GPC5: variants seen among roughly 807,000 people sequenced by gnomAD.
GPC5 encodes glypican 5, also known as glypican-5.
A neutral mutation model predicts 53.9 loss-of-function variants in GPC5; 47 were observed. The ratio of observed to expected loss-of-function variants is 0.87; its 90% CI spans 0.69 to 1.11. The LOEUF (loss-of-function observed/expected upper bound fraction) is 1.11. Among genes scored for constraint, GPC5 ranks in the 50% most tolerant of loss-of-function variants. GPC5 has a pLI of 0.00. For synonymous variants in GPC5, 286 were observed against 263.3 expected (o/e 1.09, Z -0.84); for missense variants, 748 against 713.1 (o/e 1.05, Z -0.56).
At chr13:91,977,440 G>C (rs1350688246) in intron 6 of GPC5, among the ~76,000 whole-genome samples, 1 of 152,098 alleles carries the variant, frequency 6.6e-6, no homozygotes, top group Non-Finnish European at 1.5e-5. Context: ...TTTCAGCTCT[G>C]TATCTATTTT....
chr13:92,862,526 T>C (rs1203125807), intron 7 of GPC5, among the ~76,000 whole-genome samples: 1 of 151,946 alleles, frequency 6.6e-6, no homozygotes, highest in Admixed American at 6.6e-5. Context: ...AGATACCTGG[T>C]GGAGATATAT....
At chr13:91,777,758 T>G (rs1033359986) in intron 5 of GPC5, among the ~76,000 whole-genome samples, 11 of 152,186 alleles carry the variant, frequency 7.2e-5, no homozygotes, top group Non-Finnish European at 1.5e-4. Context: ...AACCTACACT[T>G]CTTGCTATTT....
At chr13:92,126,558 C>T (rs1298776284) in intron 6 of GPC5, among the ~76,000 whole-genome samples, 1 of 152,124 alleles carries the variant, frequency 6.6e-6, no homozygotes, top group Admixed American at 6.6e-5. Flanking sequence ...TAGTCTGCAG[C>T]TTATACGTGT....
intron 7 of GPC5, among the ~76,000 whole-genome samples, chr13:92,328,916 C>G (rs1428803049): frequency 6.6e-6 from 1 of 152,088 alleles, no homozygotes; most frequent in African/African-American, 2.4e-5. Context: ...TTTCCCTCAC[C>G]AGATGTTGCT....
At chr13:91,680,494 G>T (rs1771991266) in intron 2 of GPC5, among the ~76,000 whole-genome samples, 1 of 151,992 alleles carries the variant, frequency 6.6e-6, no homozygotes, top group South Asian at 2.1e-4. Context: ...GTCAAAATGA[G>T]GAAAATCTGC....
chr13:91,560,244 A>G (rs2031184447), intron 2 of GPC5, among the ~76,000 whole-genome samples: 1 of 152,146 alleles, frequency 6.6e-6, no homozygotes, highest in African/African-American at 2.4e-5. Flanking sequence ...TGTATCTCCT[A>G]CAAGGTTCTG....
intron 7 of GPC5, among the ~76,000 whole-genome samples, chr13:92,181,248 T>C (rs1422174966): frequency 6.6e-6 from 1 of 152,138 alleles, no homozygotes; most frequent in Non-Finnish European, 1.5e-5. Flanking sequence ...CATGATATCA[T>C]GGAGATGAGC....
chr13:92,477,854 T>C lies in GPC5; in HGVS notation c.1561+332865T>C, dbSNP rs114684309. 5.8e-3 allele frequency among the ~76,000 whole-genome samples: 885 copies of C among 152,244 alleles called. 7 individuals carry two copies. The highest frequency in any genetic ancestry group is 0.02 in the African/African-American group (811 of 41,562). On this transcript the variant is annotated intron_variant, in intron 7 of 7. Transcript: ENST00000377067. Reference sequence around the variant, plus strand: ...GCAGTCATTCACTGCACAGCCTACATTGCTGTAACCGGTGTTGTCCAGTAA... The same window carrying C: ...GCAGTCATTCACTGCACAGCCTACACTGCTGTAACCGGTGTTGTCCAGTAA...
chr13:91,571,826 T>C lies in GPC5; in HGVS notation c.326-121361T>C, dbSNP rs1232611694. On this transcript the variant is annotated intron_variant, in intron 2 of 7. Transcript: ENST00000377067. Reference sequence around the variant, plus strand: ...ATACACACACATACGTGTGTGTATATATACACATATACTTGTGTGTATATA... The same window carrying C: ...ATACACACACATACGTGTGTGTATACATACACATATACTTGTGTGTATATA... Among the ~76,000 whole-genome samples, 67 of 97,600 alleles carry C rather than the reference T, an allele frequency of 6.9e-4. 9 individuals carry two copies. Among genetic ancestry groups the C allele is most frequent in the African/African-American group, 3.1e-3 (52 of 16,774 alleles). The allele number at this position is 97,600 out of a possible 152,430, so 64.0% of individuals were successfully genotyped here.
At chr13:92,500,895 A>T (rs1453814808) in intron 7 of GPC5, among the ~76,000 whole-genome samples, 1 of 152,178 alleles carries the variant, frequency 6.6e-6, no homozygotes, top group Non-Finnish European at 1.5e-5. Context: ...AGACCAGAGA[A>T]TTGGAAACTT....
intron 4 of GPC5, among the ~76,000 whole-genome samples, chr13:91,744,350 G>A (rs1415909212): frequency 6.6e-6 from 1 of 152,102 alleles, no homozygotes; most frequent in Non-Finnish European, 1.5e-5. Context: ...TTTTCAAAAT[G>A]AAAATTACCA....
chr13:91,540,855 C>A (rs72641420), intron 2 of GPC5, among the ~76,000 whole-genome samples: 24 of 151,936 alleles, frequency 1.6e-4, no homozygotes, highest in African/African-American at 5.8e-4. Flanking sequence ...TACTTTACAT[C>A]CTCCAGAGTC....
At chr13:92,618,456 C>T (rs1372227661) in intron 7 of GPC5, among the ~76,000 whole-genome samples, 3 of 151,920 alleles carry the variant, frequency 2.0e-5, no homozygotes, top group Non-Finnish European at 4.4e-5. Context: ...CCTCCTAATA[C>T]TAATGATGGG....
intron 1 of GPC5, among the ~76,000 whole-genome samples, chr13:91,438,862 G>A (rs896153191): frequency 4.6e-5 from 7 of 152,146 alleles, no homozygotes; most frequent in Non-Finnish European, 5.9e-5. Flanking sequence ...CGGTAATGGC[G>A]GGCGCCCCTC....
chr13:92,530,241 A>C (rs1210785294), intron 7 of GPC5, among the ~76,000 whole-genome samples: 1 of 152,088 alleles, frequency 6.6e-6, no homozygotes, highest in Non-Finnish European at 1.5e-5. Flanking sequence ...AAATCTTAGG[A>C]GCTTCCATGT....
At chr13:92,121,551 C>G (rs878978976) in intron 6 of GPC5, among the ~76,000 whole-genome samples, 6 of 152,118 alleles carry the variant, frequency 3.9e-5, no homozygotes, top group Admixed American at 3.9e-4. Flanking sequence ...GAAGACTGAC[C>G]CCCATAGCTG....
At chr13:91,635,004 G>A (rs1393815670) in intron 2 of GPC5, among the ~76,000 whole-genome samples, 1 of 151,936 alleles carries the variant, frequency 6.6e-6, no homozygotes, top group Non-Finnish European at 1.5e-5. Context: ...ATCCCTATAT[G>A]TGCATAGGAT....
chr13:92,133,853 A>G (rs2041763713), intron 6 of GPC5, among the ~76,000 whole-genome samples: 1 of 152,184 alleles, frequency 6.6e-6, no homozygotes, highest in African/African-American at 2.4e-5. Flanking sequence ...TGTAGAAAAT[A>G]CATGTTTTTT....
chr13:91,572,157 A>G (rs1357600493), intron 2 of GPC5, among the ~76,000 whole-genome samples: 1 of 127,592 alleles, frequency 7.8e-6, no homozygotes, highest in South Asian at 2.7e-4. Flanking sequence ...ATACGTGTGT[A>G]TACACACACA....
Sources: allele counts gnomAD v4.1 joint callset (sites outside exome capture counted in the v4.1 genomes callset), GRCh38; gene constraint gnomAD v4.1.1; transcripts MANE v1.5; gene names NCBI Gene and HGNC (gene_info 2026-07-23, HGNC 2026-07-21).